The following TRIM24 variants were observed in gnomAD, a reference collection of about 807,000 sequenced individuals.
TRIM24 encodes transcription intermediary factor 1-alpha.
TRIM24 carries 29 observed loss-of-function variants against 123.9 expected under a neutral mutation model. The ratio of observed to expected loss-of-function variants is 0.23; its 90% CI spans 0.17 to 0.32. TRIM24 has a LOEUF of 0.32. Ranked by LOEUF, TRIM24 falls within the 10% of genes least tolerant of loss-of-function variation. TRIM24 has a pLI of 1.00. For missense variants in TRIM24, 932 were observed against 1,295.3 expected (o/e 0.72, Z 4.31); for synonymous variants, 456 against 461.1 (o/e 0.99, Z 0.14).
chr7:138,584,968 C>A lies in TRIM24; in HGVS notation c.*17C>A. ...CTTAAATAATATGCAGCACCACTAG[C>A]TTGTGCTGGTTTTTAGATTTTTTTG... is the stretch of plus-strand genomic sequence containing the variant. On this transcript the variant is annotated 3_prime_UTR_variant, in exon 19 of 19. Coordinates refer to ENST00000343526, the MANE Select transcript of TRIM24 (RefSeq NM_015905.3). 1 of 1,564,020 alleles carries A rather than the reference C, an allele frequency of 6.4e-7. No homozygotes were observed. Among genetic ancestry groups the A allele is most frequent in the Admixed American group, 2.1e-5 (1 of 48,106 alleles).
intron 1 of TRIM24, among the ~76,000 whole-genome samples, chr7:138,465,603 A>G (rs575583238): frequency 4.1e-4 from 62 of 152,238 alleles, no homozygotes; most frequent in Non-Finnish European, 7.6e-4. Context: ...ACTAACTGGC[A>G]GTATACAAGA....
At chr7:138,487,962 A>G (rs1221349092) in intron 1 of TRIM24, among the ~76,000 whole-genome samples, 1 of 152,024 alleles carries the variant, frequency 6.6e-6, no homozygotes, top group African/African-American at 2.4e-5. Context: ...GGCTGTGAAT[A>G]TGTCTGGTCC....
At chr7:138,581,151 C>G (rs764041742) in intron 16 of TRIM24, among the ~76,000 whole-genome samples, 6 of 152,144 alleles carry the variant, frequency 3.9e-5, no homozygotes, top group Non-Finnish European at 8.8e-5. Flanking sequence ...ACCAAGTCAA[C>G]ACTTTGTTAC....
rs537517305 is a variant in TRIM24, at chr7:138,509,208, C to T, written c.483+4800C>T. On this transcript the variant is annotated intron_variant, in intron 2 of 18. Transcript: ENST00000343526. The stretch of plus-strand genomic sequence containing the variant: ...AAGTTATCCACCCTCCTCAGCCTCC[C>T]GAAGTGCTGGGATTACAAGTGTGAG... 7.9e-5 allele frequency among the ~76,000 whole-genome samples: 12 copies of T among 151,776 alleles called. No homozygotes were observed. In the East Asian group the frequency reaches 1.6e-3, roughly 20 times the overall value.
chr7:138,557,993 T>G (rs747452871), intron 9 of TRIM24, among the ~76,000 whole-genome samples: 7 of 152,206 alleles, frequency 4.6e-5, no homozygotes, highest in Non-Finnish European at 8.8e-5. Context: ...TTATGCCCCT[T>G]TTATTTCTCC....
intron 2 of TRIM24, among the ~76,000 whole-genome samples, chr7:138,511,252 G>A (rs770173522): frequency 2.6e-5 from 4 of 151,998 alleles, no homozygotes; most frequent in South Asian, 2.1e-4. Flanking sequence ...ACATGTGGCC[G>A]GAGCAGGAGC....
intron 1 of TRIM24, among the ~76,000 whole-genome samples, chr7:138,498,856 A>G (rs1384077554): frequency 6.6e-6 from 1 of 151,788 alleles, no homozygotes; most frequent in African/African-American, 2.4e-5. Flanking sequence ...CTGGTCTTCA[A>G]CTCGTGACCT....
intron 14 of TRIM24, 69 bp from the exon 15 acceptor site, chr7:138,579,135 C>T (rs980735257): frequency 2.3e-6 from 3 of 1,309,242 alleles, no homozygotes; most frequent in Non-Finnish European, 3.2e-6. Context: ...GAGTGGTCTA[C>T]AGTTCAGAAT....
intron 7 of TRIM24, among the ~76,000 whole-genome samples, chr7:138,541,857 G>C (rs1263843990): frequency 6.6e-6 from 1 of 152,174 alleles, no homozygotes; most frequent in Non-Finnish European, 1.5e-5. Flanking sequence ...ATTAGCACTT[G>C]GTGCTTCACC....
chr7:138,504,794 G>C (rs1006443472), intron 2 of TRIM24, among the ~76,000 whole-genome samples: 8 of 139,820 alleles, frequency 5.7e-5, no homozygotes, highest in Non-Finnish European at 9.2e-5. Flanking sequence ...GGAGTCTTGC[G>C]TTGTTGCCCA....
chr7:138,534,361 A>G (rs1230246038), intron 6 of TRIM24, among the ~76,000 whole-genome samples: 6 of 152,076 alleles, frequency 3.9e-5, no homozygotes, highest in Admixed American at 1.3e-4. Context: ...AGTGCTATAA[A>G]TTTCCCTCTA....
At chr7:138,478,573 C>A (rs1795456292) in intron 1 of TRIM24, among the ~76,000 whole-genome samples, 1 of 152,146 alleles carries the variant, frequency 6.6e-6, no homozygotes, top group Admixed American at 6.6e-5. Flanking sequence ...ATCCCCTGGG[C>A]TGAAGTGATC....
chr7:138,510,407 T>TTTTG (rs571956724), intron 2 of TRIM24, among the ~76,000 whole-genome samples: 152 of 152,168 alleles, frequency 1.0e-3, no homozygotes, highest in African/African-American at 2.4e-3. Flanking sequence ...GTGTGGTTTT[T>TTTTG]TTTGTTTGTT....
intron 10 of TRIM24, among the ~76,000 whole-genome samples, chr7:138,568,370 C>T (rs1420045932): frequency 2.3e-5 from 3 of 127,706 alleles, no homozygotes; most frequent in African/African-American, 8.2e-5. Flanking sequence ...AGCCACCGTA[C>T]CTGGCCTCCT....
chr7:138,461,956 G>A (rs2116433166), intron 1 of TRIM24, among the ~76,000 whole-genome samples: 1 of 152,282 alleles, frequency 6.6e-6, no homozygotes, highest in East Asian at 1.9e-4. Context: ...TTGACTGCAT[G>A]TTAGGAGCAG....
chr7:138,482,900 A>G (rs544755743), intron 1 of TRIM24, among the ~76,000 whole-genome samples: 9 of 151,992 alleles, frequency 5.9e-5, no homozygotes, highest in East Asian at 1.9e-4. Context: ...GCCTGGCCCA[A>G]ATATGTTTTA....
At chr7:138,502,308 A>G (rs945681401) in intron 1 of TRIM24, among the ~76,000 whole-genome samples, 36 of 152,236 alleles carry the variant, frequency 2.4e-4, no homozygotes, top group African/African-American at 1.2e-4. Context: ...TGTTACAACA[A>G]TCCTGCCTCA....
intron 1 of TRIM24, among the ~76,000 whole-genome samples, chr7:138,469,517 G>A (rs1322761901): frequency 1.3e-5 from 2 of 151,970 alleles, no homozygotes; most frequent in Non-Finnish European, 2.9e-5. Flanking sequence ...TACCCTGTTG[G>A]CCTTGAACTG....
intron 11 of TRIM24, among the ~76,000 whole-genome samples, chr7:138,572,034 T>G (rs1479840883): frequency 6.6e-6 from 1 of 152,250 alleles, no homozygotes; most frequent in Non-Finnish European, 1.5e-5. Flanking sequence ...AAATATCTTG[T>G]ACTCTTTACT....
Sources: allele counts gnomAD v4.1 joint callset (sites outside exome capture counted in the v4.1 genomes callset), GRCh38; gene constraint gnomAD v4.1.1; transcripts MANE v1.5; gene names NCBI Gene and HGNC (gene_info 2026-07-23, HGNC 2026-07-21).